The following NUBPL variants were observed in gnomAD, a reference collection of about 807,000 sequenced individuals.
NUBPL encodes iron-sulfur cluster transfer protein NUBPL.
In NUBPL, 31 loss-of-function variants were observed where a neutral mutation model predicts 45.7. The ratio of observed to expected loss-of-function variants is 0.68; its 90% CI spans 0.51 to 0.92. The LOEUF is 0.92. Among genes scored for constraint, NUBPL ranks in the 40% least tolerant of loss-of-function variants. NUBPL has a pLI of 0.00. For synonymous variants in NUBPL, 144 were observed against 140.9 expected (o/e 1.02, Z -0.15); for missense variants, 401 against 398.7 (o/e 1.01, Z -0.05).
chr14:31,746,133 G>A (rs2038395129), intron 6 of NUBPL, among the ~76,000 whole-genome samples: 1 of 151,886 alleles, frequency 6.6e-6, no homozygotes, highest in Admixed American at 6.6e-5. Flanking sequence ...CTGCAAACAG[G>A]GACAATTTGA....
intron 7 of NUBPL, among the ~76,000 whole-genome samples, chr14:31,802,576 G>T (rs76280863): frequency 1.3e-5 from 2 of 151,900 alleles, no homozygotes; most frequent in Non-Finnish European, 2.9e-5. Context: ...GTACCTGGCC[G>T]CCCTTCTTTT....
At chr14:31,603,087 G>A (rs899243754) in intron 4 of NUBPL, among the ~76,000 whole-genome samples, 2 of 151,942 alleles carry the variant, frequency 1.3e-5, no homozygotes, top group East Asian at 3.9e-4. Context: ...TGAGGTGGGA[G>A]GACAGCTTGA....
chr14:31,683,027 T>TG (rs1372725739), intron 6 of NUBPL, among the ~76,000 whole-genome samples: 1 of 149,614 alleles, frequency 6.7e-6, no homozygotes, highest in Non-Finnish European at 1.5e-5. Flanking sequence ...CCTTTTTTTT[T>TG]TTTTTTTTGA....
chr14:31,738,314 G>A lies in NUBPL; in HGVS notation c.514-49466G>A, dbSNP rs549535587. 2.1e-3 allele frequency among the ~76,000 whole-genome samples: 317 copies of A among 152,236 alleles called. 1 individual carries two copies. Among genetic ancestry groups the A allele is most frequent in the African/African-American group, 7.3e-3 (303 of 41,546 alleles). On this transcript the variant is annotated intron_variant, in intron 6 of 10. Coordinates refer to ENST00000281081, the MANE Select transcript of NUBPL (RefSeq NM_025152.3). The stretch of plus-strand genomic sequence containing the variant: ...GTTGCCAGTTATATGGGTTTTATTA[G>A]GATTCTCTTCACCAGAGGCTACAAC...
chr14:31,618,916 G>A (rs781022406), intron 4 of NUBPL, among the ~76,000 whole-genome samples: 3 of 152,136 alleles, frequency 2.0e-5, no homozygotes, highest in African/African-American at 4.8e-5. Context: ...TATTGTGTGG[G>A]AGTCCAAGTC....
rs756889396 is a variant in NUBPL, at chr14:31,673,327, T to C, written c.383-28T>C. The C allele has an allele frequency of 7.1e-6, 11 of 1,550,998 alleles. No individual in the cohort carries two copies. In the East Asian group the frequency reaches 2.5e-4, roughly 35 times the overall value. ...GTTTATGTGTTGTGTTTTATTGTTC[T>C]AAAAGAGAGGATTTTTTTTTTTTCC... On this transcript the variant is annotated intron_variant, in intron 4 of 10. Coordinates refer to ENST00000281081, the MANE Select transcript of NUBPL (RefSeq NM_025152.3).
chr14:31,618,908 T>C (rs1287544578), intron 4 of NUBPL, among the ~76,000 whole-genome samples: 1 of 152,168 alleles, frequency 6.6e-6, no homozygotes, highest in Admixed American at 6.5e-5. Flanking sequence ...CCCACTATTA[T>C]TGTGTGGGAG....
intron 6 of NUBPL, among the ~76,000 whole-genome samples, chr14:31,775,164 T>C (rs1167822923): frequency 6.6e-6 from 1 of 152,202 alleles, no homozygotes; most frequent in Non-Finnish European, 1.5e-5. Flanking sequence ...ATGCCTGTAC[T>C]CCCAACACTT....
At chr14:31,707,453 C>G (rs952019378) in intron 6 of NUBPL, among the ~76,000 whole-genome samples, 1 of 152,174 alleles carries the variant, frequency 6.6e-6, no homozygotes, top group Non-Finnish European at 1.5e-5. Context: ...CTGACTCCCT[C>G]TTTGTCTGTC....
chr14:31,709,267 T>C (rs1423457992), intron 6 of NUBPL, among the ~76,000 whole-genome samples: 2 of 152,218 alleles, frequency 1.3e-5, no homozygotes, highest in Admixed American at 6.5e-5. Context: ...AGGCCTCCCA[T>C]AGCCGCTCGA....
chr14:31,701,738 G>A (rs138709230), intron 6 of NUBPL, among the ~76,000 whole-genome samples: 7,203 of 152,260 alleles, frequency 0.047, 218 homozygotes, highest in Admixed American at 0.066. Flanking sequence ...CCACCAGTAA[G>A]AAGAAACTTT....
intron 8 of NUBPL, 92 bp downstream of exon 8, chr14:31,826,806 T>C (rs926839723): frequency 1.4e-5 from 18 of 1,243,560 alleles, no homozygotes; most frequent in South Asian, 6.1e-5. Flanking sequence ...TTTAATTTAG[T>C]CCTGTACAGA....
intron 4 of NUBPL, among the ~76,000 whole-genome samples, chr14:31,619,833 C>T (rs1221800267): frequency 2.6e-5 from 4 of 152,012 alleles, no homozygotes; most frequent in African/African-American, 9.7e-5. Flanking sequence ...GTTGGCCTGC[C>T]TTGCTCGGTT....
At position 31,711,119 on chromosome 14, in the gene NUBPL, C is replaced by T. The variant is rs544250377; in HGVS notation, c.513+37545C>T. Reference sequence around the variant, plus strand: ...GATAGATGGGTGAGTCTCGCTTGGGCGACATGCCTTTGAGGGTTCCGCTCA... The same window carrying T: ...GATAGATGGGTGAGTCTCGCTTGGGTGACATGCCTTTGAGGGTTCCGCTCA... On this transcript the variant is annotated intron_variant, in intron 6 of 10. Transcript: ENST00000281081. Among the ~76,000 whole-genome samples the T allele has an allele frequency of 1.1e-3, 162 of 152,254 alleles. 1 individual carries two copies. Among genetic ancestry groups the T allele is most frequent in the African/African-American group, 3.8e-3 (158 of 41,538 alleles).
At chr14:31,654,210 T>C in intron 4 of NUBPL, 1 of 344,692 alleles carries the variant, frequency 2.9e-6, no homozygotes. Flanking sequence ...CCATGAAGTG[T>C]GAAATAGCAT....
chr14:31,763,056 G>C (rs1175137977), intron 6 of NUBPL, among the ~76,000 whole-genome samples: 1 of 152,120 alleles, frequency 6.6e-6, no homozygotes, highest in East Asian at 1.9e-4. Flanking sequence ...TTCATCACGG[G>C]TCTATGTGAG....
intron 6 of NUBPL, among the ~76,000 whole-genome samples, chr14:31,770,525 T>C (rs776036442): frequency 6.6e-6 from 1 of 152,212 alleles, no homozygotes; most frequent in Non-Finnish European, 1.5e-5. Flanking sequence ...ACAATAGCGA[T>C]GTTATTTACA....
intron 6 of NUBPL, among the ~76,000 whole-genome samples, chr14:31,674,598 G>T (rs769638091): frequency 6.6e-6 from 1 of 151,984 alleles, no homozygotes; most frequent in African/African-American, 2.4e-5. Flanking sequence ...ACCTTTATTT[G>T]TCTTGATTAA....
At chr14:31,798,302 G>GA (rs1566566926) in intron 7 of NUBPL, among the ~76,000 whole-genome samples, 1 of 98,730 alleles carries the variant, frequency 1.0e-5, no homozygotes, top group Non-Finnish European at 2.1e-5. Flanking sequence ...ATTTATTTAT[G>GA]GTTTTTTTTT....
Sources: gnomAD v4.1 joint callset for allele counts (sites outside exome capture counted in the v4.1 genomes callset) on GRCh38, gnomAD v4.1.1 for gene constraint, MANE v1.5 for transcripts, NCBI Gene and HGNC (gene_info 2026-07-23, HGNC 2026-07-21) for gene names.